The following RBFOX1 variants were observed in gnomAD, a reference collection of about 807,000 sequenced individuals.
The protein encoded by RBFOX1 is RNA binding fox-1 homolog 1.
A neutral mutation model predicts 57.7 loss-of-function variants in RBFOX1; 8 were observed. That is an observed-to-expected ratio of 0.14 (90% CI 0.08 to 0.25). The LOEUF (loss-of-function observed/expected upper bound fraction) is 0.25, where lower values mean the gene tolerates loss of function less well. Among genes scored for constraint, RBFOX1 ranks in the 10% least tolerant of loss-of-function variants. RBFOX1 has a pLI of 1.00. For synonymous variants in RBFOX1, 326 were observed against 222.4 expected (o/e 1.47, Z -4.15); for missense variants, 611 against 548.5 (o/e 1.11, Z -1.14).
chr16:6,346,723 C>G (rs1040873167), intron 2 of RBFOX1, among the ~76,000 whole-genome samples: 3 of 152,116 alleles, frequency 2.0e-5, no homozygotes, highest in African/African-American at 7.2e-5. Flanking sequence ...CAAGAAATGC[C>G]TTTTTGAGGT....
At chr16:6,666,980 C>A (rs573587484) in intron 3 of RBFOX1, among the ~76,000 whole-genome samples, 1 of 152,154 alleles carries the variant, frequency 6.6e-6, no homozygotes, top group African/African-American at 2.4e-5. Flanking sequence ...GGGCTTCTGA[C>A]TCTAGGATGG....
chr16:5,401,793 T>TCCTCCTCCTCCTCCTTTCTC (rs200917305), intron 1 of RBFOX1, among the ~76,000 whole-genome samples: 1 of 148,960 alleles, frequency 6.7e-6, no homozygotes, highest in African/African-American at 2.5e-5. Flanking sequence ...CTCCTCCTCC[T>TCCTCCTCCTCCTCCTTTCTC]CTTTCTCCTC....
chr16:6,522,017 A>G (rs1221499644), intron 2 of RBFOX1, among the ~76,000 whole-genome samples: 1 of 152,152 alleles, frequency 6.6e-6, no homozygotes, highest in Non-Finnish European at 1.5e-5. Context: ...AAAGCCAAAT[A>G]TTTGTTTTCT....
intron 5 of RBFOX1, among the ~76,000 whole-genome samples, chr16:7,574,810 A>G (rs937355327): frequency 6.6e-6 from 1 of 152,126 alleles, no homozygotes; most frequent in Non-Finnish European, 1.5e-5. Context: ...CACAACTCCT[A>G]TTGACAGATG....
At chr16:6,901,247 G>T (rs148626808) in intron 3 of RBFOX1, among the ~76,000 whole-genome samples, 38 of 152,284 alleles carry the variant, frequency 2.5e-4, no homozygotes, top group Admixed American at 3.9e-4. Context: ...TCATTCCAGT[G>T]AGGACAGAAT....
At chr16:6,645,136 C>T (rs896233673) in intron 2 of RBFOX1, among the ~76,000 whole-genome samples, 6 of 152,162 alleles carry the variant, frequency 3.9e-5, no homozygotes, top group South Asian at 2.1e-4. Flanking sequence ...CTCTAATCCC[C>T]ACCTGTCTTC....
intron 3 of RBFOX1, among the ~76,000 whole-genome samples, chr16:6,685,084 C>G (rs1051895126): frequency 1.3e-5 from 2 of 152,124 alleles, no homozygotes; most frequent in African/African-American, 2.4e-5. Flanking sequence ...ACCTCCATCC[C>G]TCATCATTTC....
intron 3 of RBFOX1, among the ~76,000 whole-genome samples, chr16:6,777,781 A>G (rs937567758): frequency 1.3e-5 from 2 of 152,124 alleles, no homozygotes; most frequent in African/African-American, 2.4e-5. Flanking sequence ...GAGAAAACAC[A>G]AGGGGAGGTT....
intron 1 of RBFOX1, among the ~76,000 whole-genome samples, chr16:5,421,883 T>A (rs1451140137): frequency 1.3e-5 from 2 of 152,122 alleles, no homozygotes; most frequent in African/African-American, 4.8e-5. Context: ...TGCTCGTGGT[T>A]AGGGACATGA....
At chr16:7,274,991 T>G (rs1215937216) in intron 4 of RBFOX1, among the ~76,000 whole-genome samples, 2 of 152,128 alleles carry the variant, frequency 1.3e-5, no homozygotes, top group Non-Finnish European at 2.9e-5. Flanking sequence ...CCCAAAAGCA[T>G]TAGCTTCTAA....
chr16:7,248,886 G>A (rs979438489), intron 4 of RBFOX1, among the ~76,000 whole-genome samples: 12 of 152,086 alleles, frequency 7.9e-5, no homozygotes, highest in Non-Finnish European at 1.6e-4. Context: ...ACATAACAAG[G>A]CAAATGTTGC....
At chr16:5,581,430 G>T (rs540964203) in intron 2 of RBFOX1, among the ~76,000 whole-genome samples, 1 of 152,202 alleles carries the variant, frequency 6.6e-6, no homozygotes, top group African/African-American at 2.4e-5. Flanking sequence ...AGAATCCAGT[G>T]GCAACCTTGG....
At chr16:6,770,589 CT>C in intron 3 of RBFOX1, among the ~76,000 whole-genome samples, 1 of 146,900 alleles carries the variant, frequency 6.8e-6, no homozygotes, top group East Asian at 2.1e-4. Flanking sequence ...AAGGTGTTCC[CT>C]GTTCAATTTT....
At chr16:6,721,260 T>TG (rs1041555946) in intron 3 of RBFOX1, among the ~76,000 whole-genome samples, 5 of 152,110 alleles carry the variant, frequency 3.3e-5, no homozygotes, top group Non-Finnish European at 5.9e-5. Context: ...CTGGCCAACA[T>TG]GGTAAAACCC....
At chr16:7,146,270 A>G (rs897456639) in intron 4 of RBFOX1, among the ~76,000 whole-genome samples, 1 of 152,128 alleles carries the variant, frequency 6.6e-6, no homozygotes, top group Non-Finnish European at 1.5e-5. Context: ...TGAAATTTCT[A>G]GTTTCTCTGC....
chr16:6,052,776 T>C (rs999234866), intron 1 of RBFOX1, among the ~76,000 whole-genome samples: 1 of 147,398 alleles, frequency 6.8e-6, no homozygotes, highest in Admixed American at 6.8e-5. Context: ...AGAGCGAGAC[T>C]CCGTCTCAAA....
chr16:6,845,840 G>T (rs1362027290), intron 3 of RBFOX1, among the ~76,000 whole-genome samples: 2 of 152,102 alleles, frequency 1.3e-5, no homozygotes, highest in Non-Finnish European at 2.9e-5. Context: ...CCCCTCTTGG[G>T]ATAATCTCAG....
chr16:6,734,633 C>G (rs750057197), intron 3 of RBFOX1, among the ~76,000 whole-genome samples: 11 of 152,164 alleles, frequency 7.2e-5, no homozygotes, highest in Non-Finnish European at 7.3e-5. Context: ...CTCAGACATT[C>G]TTTTCTTTGT....
chr16:6,052,281 A>C lies in RBFOX1; in HGVS notation c.-127+32289A>C, dbSNP rs544882562. Among the ~76,000 whole-genome samples, 4 of 152,136 alleles carry C rather than the reference A, an allele frequency of 2.6e-5. No individual in the cohort carries two copies. In the East Asian group the frequency reaches 7.7e-4, roughly 29 times the overall value. Reference sequence around the variant, plus strand: ...TTCGTTCCTGCTGCTCCCATGCCTGATGTCCCTGTATTCCTCTTCCCCCAT... The same window carrying C: ...TTCGTTCCTGCTGCTCCCATGCCTGCTGTCCCTGTATTCCTCTTCCCCCAT... On this transcript the variant is annotated intron_variant, in intron 1 of 15. Transcript: ENST00000550418.
Sources: allele counts gnomAD v4.1 joint callset (sites outside exome capture counted in the v4.1 genomes callset), GRCh38; gene constraint gnomAD v4.1.1; transcripts MANE v1.5; gene names NCBI Gene and HGNC (gene_info 2026-07-23, HGNC 2026-07-21).